IFT88: variants seen among roughly 807,000 people sequenced by gnomAD.
The protein encoded by IFT88 is intraflagellar transport 88, also known as intraflagellar transport protein 88 homolog.
In IFT88, 74 loss-of-function variants were observed where a neutral mutation model predicts 119.5. The observed-to-expected ratio is 0.62, with a 90% CI of 0.51 to 0.75. IFT88 has a LOEUF of 0.75. Ranked by LOEUF, IFT88 falls within the 30% of genes least tolerant of loss-of-function variation. The probability of loss-of-function intolerance (pLI) is 0.00; values close to 1 mark genes in which losing one functional copy is unlikely to be tolerated. For missense variants in IFT88, 961 were observed against 977.7 expected (o/e 0.98, Z 0.23); for synonymous variants, 279 against 316.7 (o/e 0.88, Z 1.26).
rs1255913607 is a variant in IFT88 at position 20,607,472 on chromosome 13, G to T, written c.1112+2367G>T. 5.9e-6 allele frequency: 4 copies of T among 677,066 alleles called. No individual in the cohort carries two copies. The African/African-American group carries it at 7.1e-5, about 12-fold the overall frequency. 41.9% of individuals were successfully genotyped at this position (677,066 alleles called of 1,614,324 possible). A position where few individuals can be genotyped will look rare whatever the true frequency, so the allele number is the denominator to read the frequency against. On this transcript the variant is annotated intron_variant, in intron 13 of 25. Transcript: ENST00000351808. ...GTCACTCATCCCCATCATCAGCGGC[G>T]TCCTGATGGCCACGGTCACCAAGTT...
chr13:20,574,550 T>C, intron 2 of IFT88, 75 bp downstream of exon 2: 2 of 732,678 alleles, frequency 2.7e-6, no homozygotes, highest in Non-Finnish European at 2.3e-6. Context: ...ATTTGAGAGT[T>C]CTACTTTATT....
intron 13 of IFT88, chr13:20,607,206 C>T (rs964247553): frequency 1.5e-5 from 6 of 397,512 alleles, no homozygotes; most frequent in African/African-American, 2.1e-5. Flanking sequence ...CCCCCTGCAC[C>T]GCCCATCTCA....
At chr13:20,625,622 C>G (rs374493440) in intron 14 of IFT88, 128 bp from the exon 15 acceptor site, 2 of 559,798 alleles carry the variant, frequency 3.6e-6, no homozygotes, top group Non-Finnish European at 6.2e-6. Context: ...TGGAGCAAAT[C>G]GAGTGCTTAC....
At chr13:20,653,843 T>C in intron 20 of IFT88, 33 bp from the exon 21 acceptor site, 2 of 1,296,544 alleles carry the variant, frequency 1.5e-6, no homozygotes, top group South Asian at 2.9e-5. Flanking sequence ...GATTTTTTTA[T>C]CTCTAATTTC....
At chr13:20,673,192 TTC>T (rs1419201265) in intron 24 of IFT88, among the ~76,000 whole-genome samples, 14 of 152,224 alleles carry the variant, frequency 9.2e-5, no homozygotes, top group African/African-American at 3.4e-4. Context: ...AACCAGTTCC[TTC>T]TAAACATCAA....
chr13:20,605,758 C>G (rs1287387255), intron 13 of IFT88, among the ~76,000 whole-genome samples: 1 of 152,204 alleles, frequency 6.6e-6, no homozygotes, highest in South Asian at 2.1e-4. Flanking sequence ...GCTCCCACTA[C>G]CCCCTCCTCA....
chr13:20,656,442 T>C lies in IFT88; in HGVS notation c.2068+12T>C, dbSNP rs770873981. ...AGAAAATGTCGAATGTAAGTGGCAT[T>C]ACATAATGTAACTTTGAAGTGATAA... On this transcript the variant is annotated intron_variant, in intron 22 of 25. Coordinates refer to ENST00000351808, the MANE Select transcript of IFT88 (RefSeq NM_006531.5). 1 of 1,352,622 alleles carries C rather than the reference T, an allele frequency of 7.4e-7. No individual in the cohort carries two copies. Among genetic ancestry groups the C allele is most frequent in the South Asian group, 1.4e-5 (1 of 72,716 alleles). 83.8% of individuals were successfully genotyped at this position (1,352,622 alleles called of 1,614,324 possible). A position where few individuals can be genotyped will look rare whatever the true frequency, so the allele number is the denominator to read the frequency against.
In IFT88 at chr13:20,638,398, G is replaced by A; in HGVS notation, c.1453G>A (p.Ala485Thr). The A allele has an allele frequency of 1.3e-6, 2 of 1,519,408 alleles. No homozygotes were observed. The highest frequency in any genetic ancestry group is 1.4e-5 in the South Asian group (1 of 71,074). 94.1% of individuals were successfully genotyped at this position (1,519,408 alleles called of 1,614,324 possible). The change falls in exon 17 of 26, where the codon GCA (alanine) becomes ACA (threonine). Residue 485 changes from alanine to threonine, a missense_variant. Coordinates refer to ENST00000351808, the MANE Select transcript of IFT88 (RefSeq NM_006531.5). ...TGTGAACTCTGATAGATATAATCCA[G>A]CAGCTCTTACTAATAAAGGGAATAC... ...IAVNSDRYNP[A>T]ALTNKGNTVF...
intron 2 of IFT88, among the ~76,000 whole-genome samples, chr13:20,578,034 C>CTTTTTTTTTTGTTTT (rs2037759944): frequency 1.8e-5 from 1 of 55,838 alleles, no homozygotes; most frequent in African/African-American, 6.5e-5. Context: ...CTTGTTACTT[C>CTTTTTTTTTTGTTTT]TTTTTTTTTT....
chr13:20,670,580 T>C (rs971718584), intron 23 of IFT88, among the ~76,000 whole-genome samples: 12 of 148,696 alleles, frequency 8.1e-5, no homozygotes, highest in Middle Eastern at 3.5e-3. Flanking sequence ...CCATTGTATA[T>C]GAGGACTAAT....
At chr13:20,623,092 T>G (rs547264672) in intron 14 of IFT88, among the ~76,000 whole-genome samples, 1 of 152,342 alleles carries the variant, frequency 6.6e-6, no homozygotes, top group South Asian at 2.1e-4. Context: ...CTGAATAGCG[T>G]TGGCATCCTT....
At chr13:20,648,749 G>A (rs372372115) in intron 20 of IFT88, among the ~76,000 whole-genome samples, 2 of 152,192 alleles carry the variant, frequency 1.3e-5, no homozygotes, top group East Asian at 3.9e-4. Flanking sequence ...AAGAAAATCA[G>A]GGTCTATTTA....
intron 3 of IFT88, among the ~76,000 whole-genome samples, chr13:20,587,339 C>T (rs1172049978): frequency 1.3e-5 from 2 of 152,012 alleles, no homozygotes; most frequent in African/African-American, 4.8e-5. Flanking sequence ...CTCACTGCAA[C>T]GTCCACCTCC....
rs1323474253 is a variant in IFT88, at chr13:20,643,506, G to A, written c.1734G>A (p.Val578=). 6.2e-7 allele frequency: 1 copy of A among 1,612,014 alleles called. No individual in the cohort carries two copies. Among genetic ancestry groups the A allele is most frequent in the African/African-American group, 1.3e-5 (1 of 74,854 alleles). The change falls in exon 19 of 26, where the codon GTG becomes GTA. Residue 578 remains valine (V), a synonymous_variant. Transcript: ENST00000351808. ...PSQAIEWLMQ[V]VSVIPTDPQV... ...AAGCTATTGAATGGCTAATGCAGGT[G>A]GTCAGTGTTATTCCAACCGATCCTC...
chr13:20,578,355 T>C (rs1005670498), intron 2 of IFT88, among the ~76,000 whole-genome samples: 3 of 147,324 alleles, frequency 2.0e-5, no homozygotes, highest in Non-Finnish European at 4.5e-5. Flanking sequence ...CCCAGTCTTG[T>C]TACTTTTTTT....
At chr13:20,631,281 T>C in intron 16 of IFT88, 179 bp downstream of exon 16, 1 of 545,248 alleles carries the variant, frequency 1.8e-6, no homozygotes. Flanking sequence ...TTGGCAGACA[T>C]GAGTGAGAAC....
chr13:20,680,385 C>T (rs1014974890), intron 24 of IFT88, among the ~76,000 whole-genome samples: 4 of 152,178 alleles, frequency 2.6e-5, no homozygotes, highest in African/African-American at 7.2e-5. Flanking sequence ...TAAAAACTTT[C>T]GTTAGTGTAT....
intron 16 of IFT88, among the ~76,000 whole-genome samples, chr13:20,634,974 G>A (rs1225722966): frequency 1.1e-4 from 12 of 112,220 alleles, no homozygotes; most frequent in African/African-American, 1.8e-4. Flanking sequence ...AACAGGCCCC[G>A]GTGTGTGATG....
At chr13:20,645,385 C>A (rs1337352275) in intron 20 of IFT88, among the ~76,000 whole-genome samples, 1 of 152,150 alleles carries the variant, frequency 6.6e-6, no homozygotes, top group Non-Finnish European at 1.5e-5. Context: ...CCACCGCGCC[C>A]AGCCAAATTA....
Sources: allele counts gnomAD v4.1 joint callset (sites outside exome capture counted in the v4.1 genomes callset), GRCh38; gene constraint gnomAD v4.1.1; transcripts MANE v1.5; gene names NCBI Gene and HGNC (gene_info 2026-07-23, HGNC 2026-07-21).